Variants in ZNF827 observed in about 807,000 individuals in gnomAD.
ZNF827 encodes the protein zinc finger protein 827.
Under a neutral mutation model 102.4 loss-of-function variants are expected in ZNF827, and 13 were observed. The observed-to-expected ratio is 0.13, with a 90% CI of 0.08 to 0.20. The LOEUF is 0.20. Ranked by LOEUF, ZNF827 falls within the 10% of genes least tolerant of loss-of-function variation. The probability of loss-of-function intolerance (pLI) is 1.00; values close to 1 mark genes in which losing one functional copy is unlikely to be tolerated. For missense variants in ZNF827, 1,103 were observed against 1,344.4 expected, an observed-to-expected ratio of 0.82 and a Z score of 2.81; for synonymous variants, 523 against 536.2, an observed-to-expected ratio of 0.98 and a Z score of 0.34.
chr4:145,938,298 C>G (rs1754384752), intron 1 of ZNF827, 67 bp downstream of exon 1: 1 of 1,581,304 alleles, frequency 6.3e-7, no homozygotes, highest in Admixed American at 1.7e-5. Context: ...GAGGAGGCTG[C>G]GGAGGGGAAA....
At chr4:145,828,649 G>A (rs1743906320) in intron 7 of ZNF827, among the ~76,000 whole-genome samples, 1 of 152,060 alleles carries the variant, frequency 6.6e-6, no homozygotes, top group Non-Finnish European at 1.5e-5. Context: ...ATCTCCTTGA[G>A]TTTCTTTTCT....
In ZNF827 at chr4:145,873,210, T is replaced by G. The variant is rs904686647; in HGVS notation, c.1748-2732A>C. Among the ~76,000 whole-genome samples the G allele has an allele frequency of 4.6e-5, 7 of 152,234 alleles. No homozygotes were observed. The East Asian group carries it at 7.8e-4, about 17-fold the overall frequency. On this transcript the variant is annotated intron_variant, in intron 4 of 14. Transcript: ENST00000508784. The stretch of plus-strand genomic sequence containing the variant: ...TCGGCCTCCCAAAGTGCTGGGATTA[T>G]AGGCGTGAGCCGACACGCCTGGCCC...
intron 1 of ZNF827, among the ~76,000 whole-genome samples, chr4:145,933,233 G>C (rs1753939904): frequency 1.3e-5 from 2 of 152,182 alleles, no homozygotes; most frequent in Admixed American, 1.3e-4. Flanking sequence ...GTTCTTTTTA[G>C]AGAACAGATA....
chr4:145,865,962 CAT>C (rs1748145911), intron 5 of ZNF827, among the ~76,000 whole-genome samples: 4 of 152,168 alleles, frequency 2.6e-5, no homozygotes. Context: ...TTGAGCAAAA[CAT>C]AAACTCAGAA....
chr4:145,825,896 G>A (rs548263030), intron 7 of ZNF827, among the ~76,000 whole-genome samples: 14 of 152,124 alleles, frequency 9.2e-5, no homozygotes, highest in Non-Finnish European at 1.9e-4. Flanking sequence ...TTCTTCTGAG[G>A]GAGCAGAGAA....
intron 8 of ZNF827, among the ~76,000 whole-genome samples, chr4:145,801,326 T>A (rs553932574): frequency 1.3e-5 from 2 of 152,222 alleles, no homozygotes; most frequent in Non-Finnish European, 2.9e-5. Context: ...ATATTATATA[T>A]GTATAATAAA....
At chr4:145,876,247 T>A (rs112367603) in intron 4 of ZNF827, among the ~76,000 whole-genome samples, 20 of 152,338 alleles carry the variant, frequency 1.3e-4, no homozygotes, top group African/African-American at 4.1e-4. Context: ...CACTGGATAA[T>A]CTGCTGGGAG....
intron 5 of ZNF827, among the ~76,000 whole-genome samples, chr4:145,869,250 C>T (rs918408096): frequency 3.9e-5 from 6 of 152,152 alleles, no homozygotes; most frequent in South Asian, 2.1e-4. Flanking sequence ...TCTGATATAA[C>T]GACTAAGTAA....
At chr4:145,831,249 G>A (rs1415539145) in intron 7 of ZNF827, 2 of 152,148 alleles carry the variant, frequency 1.3e-5, no homozygotes, top group Non-Finnish European at 2.9e-5. Flanking sequence ...AGAAAATTCT[G>A]TATTTGACCA....
At position 145,763,912 on chromosome 4, in the gene ZNF827, CCT is replaced by C. The variant is rs1378772207; in HGVS notation, c.3231-792_3231-791del. On this transcript the variant is annotated intron_variant, in intron 13 of 14. Coordinates refer to ENST00000508784, the MANE Select transcript of ZNF827 (RefSeq NM_001306215.2). The surrounding 1 kb of genome is among the most constrained non-coding windows in gnomAD (Gnocchi z 4.6). ...GAGTTCAACGGAGGTCCTGTTGTTC[CCT>C]GACTCTTCTATGTGGGGGAGTTTTT... is the stretch of plus-strand genomic sequence containing the variant. 1.3e-5 allele frequency among the ~76,000 whole-genome samples: 2 copies of C among 152,014 alleles called. No individual in the cohort carries two copies. Among genetic ancestry groups the C allele is most frequent in the Non-Finnish European group, 1.5e-5 (1 of 68,002 alleles).
intron 2 of ZNF827, among the ~76,000 whole-genome samples, chr4:145,896,193 A>G (rs1432163515): frequency 6.6e-6 from 1 of 152,244 alleles, no homozygotes; most frequent in Non-Finnish European, 1.5e-5. Flanking sequence ...AACTCTAAAC[A>G]TGCCCTGCAA....
intron 5 of ZNF827, among the ~76,000 whole-genome samples, chr4:145,858,134 AGTGTGTGTGTGT>A (rs10553157): frequency 0.024 from 3,528 of 147,012 alleles, 43 homozygotes; most frequent in African/African-American, 0.05. Flanking sequence ...TGCATGTGTG[AGTGTGTGTGTGT>A]GTGTGTGTGT....
chr4:145,938,153 G>A, intron 1 of ZNF827, among the ~76,000 whole-genome samples: 1 of 151,906 alleles, frequency 6.6e-6, no homozygotes, highest in Non-Finnish European at 1.5e-5. Context: ...AAGAAAAAGA[G>A]AGAGAGAATA....
At position 145,763,482 on chromosome 4, in the gene ZNF827, G is replaced by A. The variant is rs1297712447; in HGVS notation, c.3231-360C>T. Among the ~76,000 whole-genome samples the A allele has an allele frequency of 6.6e-6, 1 of 152,218 alleles. No individual in the cohort carries two copies. The highest frequency in any genetic ancestry group is 1.5e-5 in the Non-Finnish European group (1 of 68,042). ...CTAGAACATAAACTATTACACAGGG[G>A]ACGGTTAGCACCGCACGGGAAGTGT... is the stretch of plus-strand genomic sequence containing the variant. On this transcript the variant is annotated intron_variant, in intron 13 of 14. Coordinates refer to ENST00000508784, the MANE Select transcript of ZNF827 (RefSeq NM_001306215.2). The surrounding 1 kb of genome is among the most constrained non-coding windows in gnomAD (Gnocchi z 4.6).
Position 145,765,395 on chromosome 4 carries a change from CA to C in ZNF827, c.3052+151del. On this transcript the variant is annotated intron_variant, in intron 12 of 14. Transcript: ENST00000508784. This position sits in a 1 kb window ranked among gnomAD's most constrained non-coding sequence, Gnocchi z 4.7. Reference sequence around the variant, plus strand: ...CCCCATACTCGGATTCAAATTAAGCCAAAAGAAATACAACCTTTAGGTGAGG... The same window carrying C: ...CCCCATACTCGGATTCAAATTAAGCCAAAGAAATACAACCTTTAGGTGAGG... 1 of 1,092,302 alleles carries C rather than the reference CA, an allele frequency of 9.2e-7. No individual in the cohort carries two copies. Among genetic ancestry groups the C allele is most frequent in the South Asian group, 1.7e-5 (1 of 58,290 alleles). 67.7% of individuals were successfully genotyped at this position (1,092,302 alleles called of 1,614,324 possible). A position where few individuals can be genotyped will look rare whatever the true frequency, so the allele number is the denominator to read the frequency against.
At chr4:145,927,341 A>G (rs1402958303) in intron 1 of ZNF827, among the ~76,000 whole-genome samples, 1 of 152,246 alleles carries the variant, frequency 6.6e-6, no homozygotes, top group East Asian at 1.9e-4. Context: ...GAGACAAGTG[A>G]GCAGAGAAAG....
At chr4:145,860,962 C>A (rs1158640260) in intron 5 of ZNF827, among the ~76,000 whole-genome samples, 3 of 152,230 alleles carry the variant, frequency 2.0e-5, no homozygotes, top group Non-Finnish European at 4.4e-5. Context: ...AGACTATATG[C>A]ATCTTCCAGT....
intron 2 of ZNF827, among the ~76,000 whole-genome samples, chr4:145,900,370 A>G (rs1348205522): frequency 6.6e-6 from 1 of 152,148 alleles, no homozygotes; most frequent in Non-Finnish European, 1.5e-5. Flanking sequence ...CATTTATTCA[A>G]TAACTAGATA....
At chr4:145,904,225 C>T (rs1751648662) in intron 1 of ZNF827, among the ~76,000 whole-genome samples, 1 of 152,232 alleles carries the variant, frequency 6.6e-6, no homozygotes, top group South Asian at 2.1e-4. Flanking sequence ...TACCCTTCAA[C>T]ACCCGACTCA....
Sources: gnomAD v4.1 joint callset for allele counts (sites outside exome capture counted in the v4.1 genomes callset) on GRCh38, gnomAD v4.1.1 for gene constraint, Gnocchi (gnomAD v3.1) non-coding constraint, MANE v1.5 for transcripts, NCBI Gene and HGNC (gene_info 2026-07-23, HGNC 2026-07-21) for gene names.